The following ARMH4 variants were observed in gnomAD, a reference collection of about 807,000 sequenced individuals.
ARMH4 encodes the protein armadillo like helical domain containing 4.
Under a neutral mutation model 61.9 loss-of-function variants are expected in ARMH4, and 49 were observed. The ratio of observed to expected loss-of-function variants is 0.79; its 90% CI spans 0.63 to 1.00. The LOEUF is 1.00. Among genes scored for constraint, ARMH4 ranks in the 50% least tolerant of loss-of-function variants. The probability of loss-of-function intolerance (pLI) is 0.00; values close to 1 mark genes in which losing one functional copy is unlikely to be tolerated. For missense variants in ARMH4, 934 were observed against 930.0 expected, an observed-to-expected ratio of 1.00 and a Z score of -0.06; for synonymous variants, 368 against 341.5, an observed-to-expected ratio of 1.08 and a Z score of -0.85.
intron 5 of ARMH4, among the ~76,000 whole-genome samples, chr14:58,016,133 T>G (rs1196587396): frequency 6.6e-6 from 1 of 152,058 alleles, no homozygotes; most frequent in Non-Finnish European, 1.5e-5. Context: ...CTTAAAGGAT[T>G]AACCATGAAT....
At chr14:58,011,117 C>T (rs1422275346) in intron 6 of ARMH4, among the ~76,000 whole-genome samples, 3 of 152,100 alleles carry the variant, frequency 2.0e-5, no homozygotes, top group Non-Finnish European at 4.4e-5. Context: ...TTGACCTCAA[C>T]AGGCTTAAAA....
At position 58,005,141 on chromosome 14, in the gene ARMH4, C is replaced by T. The variant is rs1476176082; in HGVS notation, c.2163G>A (p.Gly721=). ...MSGMLVPVGV[G]IAGALFILGA... ...CCAAGATGAACAAGGCTCCAGCTAT[C>T]CCAACCCCTACAGGCACCAGCATCC... The change falls in exon 7 of 8, where the codon GGG becomes GGA. Residue 721 remains glycine (G), a synonymous_variant. Transcript: ENST00000267485. The T allele has an allele frequency of 8.1e-6, 13 of 1,613,994 alleles. No individual in the cohort carries two copies. The highest frequency in any genetic ancestry group is 1.1e-5 in the Non-Finnish European group (13 of 1,179,950).
intron 4 of ARMH4, among the ~76,000 whole-genome samples, chr14:58,118,922 A>G (rs967067692): frequency 1.3e-5 from 2 of 152,322 alleles, no homozygotes; most frequent in South Asian, 4.1e-4. Flanking sequence ...CTTAAAAAAA[A>G]TCCAGAGGGA....
At chr14:58,128,308 G>C (rs887362612) in intron 4 of ARMH4, among the ~76,000 whole-genome samples, 1 of 152,092 alleles carries the variant, frequency 6.6e-6, no homozygotes, top group African/African-American at 2.4e-5. Context: ...AACAAGAGAA[G>C]AAAATCAACC....
chr14:58,139,277 A>G lies in ARMH4; in HGVS notation c.82T>C (p.Phe28Leu), dbSNP rs754946861. 238 of 1,614,060 alleles carry G rather than the reference A, an allele frequency of 1.5e-4. No homozygotes were observed. The highest frequency in any genetic ancestry group is 1.8e-4 in the Non-Finnish European group (215 of 1,180,030). ...LFSVATQCLA[F>L]PKIERRREIA... Reference sequence around the variant, plus strand: ...TCCCTCCTCCTTTCTATTTTGGGGAAGGCCAGACATTGTGTGGCAACGCTG... The same window carrying G: ...TCCCTCCTCCTTTCTATTTTGGGGAGGGCCAGACATTGTGTGGCAACGCTG... Residue 28 changes from phenylalanine to leucine, a missense_variant, in exon 2 of 8, where the codon TTC becomes CTC. Physicochemically the swap from Phe to Leu is conservative, Grantham distance 22. Coordinates refer to ENST00000267485, the MANE Select transcript of ARMH4 (RefSeq NM_001001872.4).
chr14:58,103,881 T>C (rs557679946), intron 4 of ARMH4, among the ~76,000 whole-genome samples: 1 of 152,350 alleles, frequency 6.6e-6, no homozygotes, highest in South Asian at 2.1e-4. Context: ...CACTGTTCTC[T>C]GACCACTAGC....
chr14:58,029,991 T>G (rs572220808), intron 5 of ARMH4, among the ~76,000 whole-genome samples: 4 of 152,198 alleles, frequency 2.6e-5, no homozygotes, highest in Non-Finnish European at 4.4e-5. Context: ...AAATGCGGTA[T>G]AGACATACAG....
At chr14:58,147,463 C>T (rs180741791) in intron 1 of ARMH4, among the ~76,000 whole-genome samples, 4 of 152,062 alleles carry the variant, frequency 2.6e-5, no homozygotes, top group East Asian at 1.9e-4. Context: ...CACAGGCGCA[C>T]GCCACCACGC....
At chr14:58,022,361 T>G (rs989615306) in intron 5 of ARMH4, among the ~76,000 whole-genome samples, 4 of 152,176 alleles carry the variant, frequency 2.6e-5, no homozygotes, top group Non-Finnish European at 4.4e-5. Flanking sequence ...GGTCCTTAAG[T>G]CAATCACAAC....
At chr14:58,045,066 G>A (rs1316919803) in intron 5 of ARMH4, among the ~76,000 whole-genome samples, 3 of 152,168 alleles carry the variant, frequency 2.0e-5, no homozygotes, top group Admixed American at 6.5e-5. Context: ...ATTCCTCAGG[G>A]ATCCAGAATT....
chr14:58,082,102 A>C (rs1259389929), intron 5 of ARMH4, among the ~76,000 whole-genome samples: 1 of 152,240 alleles, frequency 6.6e-6, no homozygotes, highest in Admixed American at 6.5e-5. Flanking sequence ...TAAACTGGTT[A>C]AACTTAACAG....
At chr14:58,055,549 A>C (rs1352147223) in intron 5 of ARMH4, among the ~76,000 whole-genome samples, 1 of 152,210 alleles carries the variant, frequency 6.6e-6, no homozygotes, top group Non-Finnish European at 1.5e-5. Context: ...GTAGCAGAAC[A>C]TCTTTAAGTG....
chr14:58,032,839 C>T (rs1238140959), intron 5 of ARMH4, among the ~76,000 whole-genome samples: 1 of 152,186 alleles, frequency 6.6e-6, no homozygotes, highest in East Asian at 1.9e-4. Flanking sequence ...TTGCGCTTTT[C>T]AGACCGGCTT....
intron 5 of ARMH4, among the ~76,000 whole-genome samples, chr14:58,041,319 C>A (rs949821254): frequency 1.3e-5 from 2 of 152,276 alleles, no homozygotes; most frequent in South Asian, 2.1e-4. Context: ...GATTTTCAAC[C>A]CAGAATTTCA....
Position 58,138,347 on chromosome 14 carries a change from C to A in ARMH4, c.1012G>T (p.Val338Leu). The A allele has an allele frequency of 1.2e-6, 2 of 1,614,200 alleles. No homozygotes were observed. Among genetic ancestry groups the A allele is most frequent in the East Asian group, 2.2e-5 (1 of 44,888 alleles). ...GCTGTCTGAGACATCTCCGTTCTCA[C>A]CTGAGTCTCTTCATTGTCTCCAAGC... ...PKLGDNEETQVRTEMSQTAQV... is the reference protein window; with the variant it reads ...PKLGDNEETQLRTEMSQTAQV... The change falls in exon 2 of 8, where the codon GTG (valine) becomes TTG (leucine). Residue 338 changes from valine to leucine, a missense_variant. Val to Leu is a conservative substitution (Grantham distance 32). Coordinates refer to ENST00000267485, the MANE Select transcript of ARMH4 (RefSeq NM_001001872.4).
chr14:58,023,444 T>C (rs901600903), intron 5 of ARMH4, among the ~76,000 whole-genome samples: 1 of 152,224 alleles, frequency 6.6e-6, no homozygotes, highest in African/African-American at 2.4e-5. Flanking sequence ...ACTGCAGCAA[T>C]TCAGTCACAT....
intron 5 of ARMH4, among the ~76,000 whole-genome samples, chr14:58,049,982 A>T (rs944766268): frequency 2.6e-5 from 4 of 152,220 alleles, no homozygotes; most frequent in Admixed American, 6.5e-5. Flanking sequence ...TTTGGCTTAC[A>T]GTGTGAATGG....
chr14:58,073,822 T>C (rs1474291076), intron 5 of ARMH4, among the ~76,000 whole-genome samples: 1 of 152,212 alleles, frequency 6.6e-6, no homozygotes, highest in African/African-American at 2.4e-5. Flanking sequence ...TTATGAACTA[T>C]CCTGAGCCTC....
At chr14:58,005,819 A>G (rs993697413) in intron 6 of ARMH4, among the ~76,000 whole-genome samples, 15 of 152,246 alleles carry the variant, frequency 9.9e-5, no homozygotes, top group Admixed American at 6.5e-4. Flanking sequence ...GACAAGGACA[A>G]GGGGAGAGTG....
Sources: allele counts gnomAD v4.1 joint callset (sites outside exome capture counted in the v4.1 genomes callset), GRCh38; gene constraint gnomAD v4.1.1; transcripts MANE v1.5; gene names NCBI Gene and HGNC (gene_info 2026-07-23, HGNC 2026-07-21).